The following KLHL29 variants were observed in gnomAD, a reference collection of about 807,000 sequenced individuals.
KLHL29 encodes kelch like family member 29.
KLHL29 carries 21 observed loss-of-function variants against 80.4 expected under a neutral mutation model. The observed-to-expected ratio is 0.26, with a 90% CI of 0.19 to 0.38. The LOEUF is 0.38. Ranked by LOEUF, KLHL29 falls within the 10% of genes least tolerant of loss-of-function variation. The pLI is 1.00. For synonymous variants in KLHL29, 511 were observed against 526.8 expected (o/e 0.97, Z 0.41); for missense variants, 867 against 1,223.9 (o/e 0.71, Z 4.35).
rs535473775 is a variant in KLHL29, at chr2:23,612,983, AG to A, written c.286-26155del. ...CAAAAAAGGCTTAGAAATGGGGTGG[AG>A]AACAAATGAAATGAAATTATTTTAA... On this transcript the variant is annotated intron_variant, in intron 3 of 13. Transcript: ENST00000486442. Among the ~76,000 whole-genome samples the A allele has an allele frequency of 1.3e-3, 195 of 150,858 alleles. 2 individuals are homozygous for A. The highest frequency in any genetic ancestry group is 2.1e-3 in the South Asian group (10 of 4,790).
intron 3 of KLHL29, among the ~76,000 whole-genome samples, chr2:23,578,173 T>G (rs1194555088): frequency 2.0e-5 from 3 of 152,182 alleles, no homozygotes; most frequent in African/African-American, 7.2e-5. Flanking sequence ...CCAAGAGGTT[T>G]CTCTGCATGC....
intron 1 of KLHL29, among the ~76,000 whole-genome samples, chr2:23,387,513 A>C (rs980157549): frequency 2.3e-5 from 1 of 44,396 alleles, no homozygotes; most frequent in African/African-American, 1.6e-4. Flanking sequence ...ATTTATTATT[A>C]TTATTATTAT....
At chr2:23,579,750 G>T (rs902439547) in intron 3 of KLHL29, among the ~76,000 whole-genome samples, 2 of 152,150 alleles carry the variant, frequency 1.3e-5, no homozygotes, top group East Asian at 3.9e-4. Context: ...AGGAAAAGTG[G>T]CTTAAGACCC....
rs112244336 is a variant in KLHL29 at position 23,441,766 on chromosome 2, C to T, written c.-153-33794C>T. Reference sequence around the variant, plus strand: ...TCAGTTCCTTTCCATGTGGCCTCTCCATGTGGTTACGTTGGGCTTTTCACA... The same window carrying T: ...TCAGTTCCTTTCCATGTGGCCTCTCTATGTGGTTACGTTGGGCTTTTCACA... On this transcript the variant is annotated intron_variant, in intron 1 of 13. Coordinates refer to ENST00000486442, the MANE Select transcript of KLHL29 (RefSeq NM_052920.2). Among the ~76,000 whole-genome samples, 1,039 of 152,268 alleles carry T rather than the reference C, an allele frequency of 6.8e-3. 8 individuals are homozygous for T. The highest frequency in any genetic ancestry group is 0.019 in the African/African-American group (786 of 41,562).
intron 1 of KLHL29, among the ~76,000 whole-genome samples, chr2:23,441,361 G>A (rs1336055743): frequency 6.6e-6 from 1 of 151,256 alleles, no homozygotes; most frequent in East Asian, 2.0e-4. Flanking sequence ...GATAGCATTA[G>A]GAGATATACT....
At chr2:23,559,899 G>A (rs1291936402) in intron 2 of KLHL29, among the ~76,000 whole-genome samples, 1 of 152,184 alleles carries the variant, frequency 6.6e-6, no homozygotes, top group Admixed American at 6.5e-5. Flanking sequence ...GCCCGCCAAG[G>A]AGACTGAGAA....
rs528959036 is a variant in KLHL29, at chr2:23,413,625, G to A, written c.-154+27845G>A. Among the ~76,000 whole-genome samples, 3 of 152,216 alleles carry A rather than the reference G, an allele frequency of 2.0e-5. No homozygotes were observed. The South Asian group carries it at 6.2e-4, about 32-fold the overall frequency. ...GGAGAGACGGGAGAAAGAACAACCTGCTCCCCACCTTGAAAGAAACCATTG... is the reference window on the plus strand; with the variant it reads ...GGAGAGACGGGAGAAAGAACAACCTACTCCCCACCTTGAAAGAAACCATTG... On this transcript the variant is annotated intron_variant, in intron 1 of 13. Coordinates refer to ENST00000486442, the MANE Select transcript of KLHL29 (RefSeq NM_052920.2).
At chr2:23,455,288 T>C (rs1398805946) in intron 1 of KLHL29, among the ~76,000 whole-genome samples, 1 of 152,226 alleles carries the variant, frequency 6.6e-6, no homozygotes, top group Non-Finnish European at 1.5e-5. Flanking sequence ...ATATATTTTA[T>C]AAATACCGTG....
intron 2 of KLHL29, among the ~76,000 whole-genome samples, chr2:23,481,651 G>A (rs1231549864): frequency 6.6e-6 from 1 of 152,170 alleles, no homozygotes; most frequent in Non-Finnish European, 1.5e-5. Context: ...AGCGGTGGCT[G>A]ACGCCTGTAA....
chr2:23,389,208 CA>C, intron 1 of KLHL29, among the ~76,000 whole-genome samples: 1 of 152,186 alleles, frequency 6.6e-6, no homozygotes, highest in South Asian at 2.1e-4. Flanking sequence ...CCCCTAGGAT[CA>C]TAGTAACATT....
intron 1 of KLHL29, among the ~76,000 whole-genome samples, chr2:23,420,666 G>A (rs1250842127): frequency 6.6e-6 from 1 of 152,214 alleles, no homozygotes; most frequent in African/African-American, 2.4e-5. Context: ...ACCTGCCAGA[G>A]CTCCTGGTGC....
In KLHL29 at chr2:23,439,251, CA is replaced by C. The variant is rs530221027; in HGVS notation, c.-153-36303del. ...GGTCTATCAATTTTGTTGATCGTTT[CA>C]AAAAACCAGCTCCTGGGTTCATTAA... On this transcript the variant is annotated intron_variant, in intron 1 of 13. Coordinates refer to ENST00000486442, the MANE Select transcript of KLHL29 (RefSeq NM_052920.2). Among the ~76,000 whole-genome samples, 65 of 151,984 alleles carry C rather than the reference CA, an allele frequency of 4.3e-4. 1 individual carries two copies. The East Asian group carries it at 0.011, about 26-fold the overall frequency.
At chr2:23,543,828 C>T (rs1666912799) in intron 2 of KLHL29, among the ~76,000 whole-genome samples, 1 of 152,170 alleles carries the variant, frequency 6.6e-6, no homozygotes, top group Admixed American at 6.5e-5. Flanking sequence ...TGGCTGCTCC[C>T]TCCACCACTC....
At chr2:23,703,955 T>G in intron 13 of KLHL29, 92 bp downstream of exon 13, 1 of 1,372,408 alleles carries the variant, frequency 7.3e-7, no homozygotes, top group Non-Finnish European at 9.8e-7. Context: ...TCAGTGACCA[T>G]AGCAATTCCC....
In KLHL29 at chr2:23,545,591, G is replaced by C. The variant is rs145679388; in HGVS notation, c.-45-16561G>C. ...GGCACCACCTCGTGGTAAGCGAAAG[G>C]GGGTGCTGGCATCTCCATCTCTGAT... On this transcript the variant is annotated intron_variant, in intron 2 of 13. Coordinates refer to ENST00000486442, the MANE Select transcript of KLHL29 (RefSeq NM_052920.2). Among the ~76,000 whole-genome samples the C allele has an allele frequency of 5.5e-3, 837 of 152,300 alleles. 10 individuals are homozygous for C. Among genetic ancestry groups the C allele is most frequent in the Admixed American group, 7.4e-3 (113 of 15,308 alleles).
chr2:23,551,837 ACT>A (rs1313819496), intron 2 of KLHL29, among the ~76,000 whole-genome samples: 3 of 152,114 alleles, frequency 2.0e-5, no homozygotes, highest in East Asian at 1.9e-4. Flanking sequence ...AAGGCCCAAG[ACT>A]CTGCATTTCT....
At chr2:23,570,279 G>A (rs891365001) in intron 3 of KLHL29, among the ~76,000 whole-genome samples, 4 of 152,202 alleles carry the variant, frequency 2.6e-5, no homozygotes, top group African/African-American at 9.7e-5. Flanking sequence ...TCTGGGAAAG[G>A]TGGGTGAATA....
chr2:23,540,205 G>A (rs1666791950), intron 2 of KLHL29, among the ~76,000 whole-genome samples: 1 of 152,158 alleles, frequency 6.6e-6, no homozygotes, highest in South Asian at 2.1e-4. Flanking sequence ...CCCAGAAGTG[G>A]TCACTTTCCC....
intron 1 of KLHL29, among the ~76,000 whole-genome samples, chr2:23,460,047 G>A (rs941722362): frequency 1.3e-5 from 2 of 152,192 alleles, no homozygotes; most frequent in East Asian, 1.9e-4. Flanking sequence ...ATGATGAGAA[G>A]TATTTGTTCA....
Sources: allele counts gnomAD v4.1 joint callset (sites outside exome capture counted in the v4.1 genomes callset), GRCh38; gene constraint gnomAD v4.1.1; transcripts MANE v1.5; gene names NCBI Gene and HGNC (gene_info 2026-07-23, HGNC 2026-07-21).